Variants in TRPS1 observed in about 807,000 individuals in gnomAD.
TRPS1 encodes zinc finger transcription factor Trps1.
Under a neutral mutation model 101.2 loss-of-function variants are expected in TRPS1, and 6 were observed. The ratio of observed to expected loss-of-function variants is 0.06; its 90% CI spans 0.03 to 0.12. The LOEUF (loss-of-function observed/expected upper bound fraction) is 0.12, where lower values mean the gene tolerates loss of function less well. Ranked by LOEUF, TRPS1 falls within the 10% of genes least tolerant of loss-of-function variation. The pLI is 1.00. For synonymous variants in TRPS1, 578 were observed against 589.8 expected (o/e 0.98, Z 0.29); for missense variants, 1,363 against 1,567.0 (o/e 0.87, Z 2.20).
At chr8:115,645,238 T>C (rs1018716539) in intron 1 of TRPS1, among the ~76,000 whole-genome samples, 22 of 152,008 alleles carry the variant, frequency 1.4e-4, no homozygotes, top group African/African-American at 4.6e-4. Context: ...CGCACACACA[T>C]ACACACTATT....
chr8:115,495,717 C>CAG (rs1401689052), intron 5 of TRPS1, among the ~76,000 whole-genome samples: 62 of 151,728 alleles, frequency 4.1e-4, no homozygotes, highest in African/African-American at 1.4e-3. Flanking sequence ...AAAGTCTTTA[C>CAG]AAGCCCAGTC....
At chr8:115,539,904 C>A (rs78898394) in intron 5 of TRPS1, among the ~76,000 whole-genome samples, 5,460 of 152,236 alleles carry the variant, frequency 0.036, 373 homozygotes, top group African/African-American at 0.12. Context: ...CTGCCGTCTA[C>A]ATGATCCATC....
intron 5 of TRPS1, among the ~76,000 whole-genome samples, chr8:115,557,343 C>A (rs1816845178): frequency 6.6e-6 from 1 of 152,092 alleles, no homozygotes; most frequent in African/African-American, 2.4e-5. Flanking sequence ...GTCATGACTA[C>A]AATGAAACTT....
At chr8:115,473,806 A>G (rs1015615198) in intron 5 of TRPS1, among the ~76,000 whole-genome samples, 2 of 152,170 alleles carry the variant, frequency 1.3e-5, no homozygotes, top group African/African-American at 2.4e-5. Flanking sequence ...TACAACCACA[A>G]CCATAAAAAC....
At chr8:115,563,691 T>C (rs1413810883) in intron 5 of TRPS1, among the ~76,000 whole-genome samples, 1 of 152,266 alleles carries the variant, frequency 6.6e-6, no homozygotes, top group African/African-American at 2.4e-5. Flanking sequence ...CTTTAACTTG[T>C]ATTCACAGGC....
At chr8:115,476,420 C>T (rs553302416) in intron 5 of TRPS1, among the ~76,000 whole-genome samples, 2 of 152,226 alleles carry the variant, frequency 1.3e-5, no homozygotes, top group Non-Finnish European at 2.9e-5. Context: ...TAATATTGAG[C>T]TCAAATTGGG....
chr8:115,633,377 G>T (rs1405221976), intron 1 of TRPS1, among the ~76,000 whole-genome samples: 1 of 152,074 alleles, frequency 6.6e-6, no homozygotes, highest in African/African-American at 2.4e-5. Context: ...TTCTGCTGGT[G>T]GTGGTGGTGG....
At chr8:115,461,529 C>T (rs144276848) in intron 5 of TRPS1, among the ~76,000 whole-genome samples, 1 of 152,286 alleles carries the variant, frequency 6.6e-6, no homozygotes, top group East Asian at 1.9e-4. Flanking sequence ...GTGTCCCCAG[C>T]AACAACTAAA....
intron 1 of TRPS1, chr8:115,637,109 G>T: frequency 3.5e-6 from 1 of 283,508 alleles, no homozygotes; most frequent in Non-Finnish European, 5.3e-6. Context: ...AGTAAGAATT[G>T]CACAGCTACA....
chr8:115,499,208 T>C (rs1815241339), intron 5 of TRPS1, among the ~76,000 whole-genome samples: 2 of 152,210 alleles, frequency 1.3e-5, no homozygotes, highest in Non-Finnish European at 2.9e-5. Flanking sequence ...AAACTGCTTG[T>C]TAAAATTATT....
chr8:115,477,629 A>G (rs1361785022), intron 5 of TRPS1, among the ~76,000 whole-genome samples: 1 of 152,164 alleles, frequency 6.6e-6, no homozygotes, highest in Non-Finnish European at 1.5e-5. Flanking sequence ...TAATGTTAGA[A>G]CCAGGTCATG....
intron 1 of TRPS1, among the ~76,000 whole-genome samples, chr8:115,654,140 C>T (rs994276841): frequency 2.0e-5 from 3 of 152,114 alleles, no homozygotes; most frequent in African/African-American, 4.8e-5. Flanking sequence ...TATTTCCACT[C>T]CAACAAAGTA....
At chr8:115,520,937 A>G (rs1815846024) in intron 5 of TRPS1, among the ~76,000 whole-genome samples, 1 of 151,784 alleles carries the variant, frequency 6.6e-6, no homozygotes, top group African/African-American at 2.4e-5. Context: ...TACAGGTGTG[A>G]TGTTTCAAAC....
At chr8:115,594,141 T>A (rs1817736811) in intron 4 of TRPS1, among the ~76,000 whole-genome samples, 1 of 152,124 alleles carries the variant, frequency 6.6e-6, no homozygotes, top group African/African-American at 2.4e-5. Flanking sequence ...ATGGCATATT[T>A]TGAGTGATCC....
intron 1 of TRPS1, among the ~76,000 whole-genome samples, chr8:115,647,255 G>T (rs1388614300): frequency 6.6e-6 from 1 of 152,102 alleles, no homozygotes; most frequent in African/African-American, 2.4e-5. Context: ...TAATTTTCAT[G>T]ATATGGCCTT....
In TRPS1 at chr8:115,587,194, T is replaced by C; in HGVS notation, c.2507A>G (p.Gln836Arg). The C allele has an allele frequency of 6.2e-7, 1 of 1,614,230 alleles. No individual in the cohort carries two copies. The highest frequency in any genetic ancestry group is 8.5e-7 in the Non-Finnish European group (1 of 1,180,032). ...LLTPVSGTQEQTKTLRDSPNV... is the reference protein window; with the variant it reads ...LLTPVSGTQERTKTLRDSPNV... ...GGGACTATCCCTTAGAGTCTTTGTC[T>C]GCTCTTGGGTGCCAGACACAGGCGT... The change falls in exon 5 of 7, where the codon CAG (glutamine) becomes CGG (arginine). Residue 836 changes from glutamine to arginine, a missense_variant. Transcript: ENST00000395715.
chr8:115,628,960 AT>A (rs1818575354), intron 1 of TRPS1, among the ~76,000 whole-genome samples: 1 of 151,828 alleles, frequency 6.6e-6, no homozygotes, highest in Non-Finnish European at 1.5e-5. Context: ...AGTCCTAGGG[AT>A]TGGAGAGGGT....
At chr8:115,566,428 G>A (rs753146702) in intron 5 of TRPS1, among the ~76,000 whole-genome samples, 2 of 152,128 alleles carry the variant, frequency 1.3e-5, no homozygotes, top group Non-Finnish European at 2.9e-5. Context: ...TTGCTAGTGA[G>A]CTCCAGGTTA....
chr8:115,534,688 A>T (rs527455457), intron 5 of TRPS1, among the ~76,000 whole-genome samples: 31 of 152,208 alleles, frequency 2.0e-4, no homozygotes, highest in Non-Finnish European at 2.6e-4. Flanking sequence ...TTGAAGATCA[A>T]GGTATGTTAA....
Sources: allele counts gnomAD v4.1 joint callset (sites outside exome capture counted in the v4.1 genomes callset), GRCh38; gene constraint gnomAD v4.1.1; transcripts MANE v1.5; gene names NCBI Gene and HGNC (gene_info 2026-07-23, HGNC 2026-07-21).